PEBP4: variants seen among roughly 807,000 people sequenced by gnomAD.
PEBP4 encodes the protein phosphatidylethanolamine-binding protein 4.
A neutral mutation model predicts 23.9 loss-of-function variants in PEBP4; 22 were observed. The ratio of observed to expected loss-of-function variants is 0.92; its 90% CI spans 0.66 to 1.31. The LOEUF is 1.31. Ranked by LOEUF, PEBP4 falls within the 40% of genes most tolerant of loss-of-function variation. The pLI, the probability that PEBP4 is intolerant of heterozygous loss-of-function variation, is 0.00. For synonymous variants in PEBP4, 112 were observed against 99.3 expected (o/e 1.13, Z -0.76); for missense variants, 324 against 281.7 (o/e 1.15, Z -1.07).
rs1460528635 is a variant in PEBP4, at chr8:22,935,182, AC to A, written c.145-7463del. On this transcript the variant is annotated intron_variant, in intron 1 of 1. Coordinates refer to the PEBP4 transcript ENST00000522278. ...CAGTAATTGGAAATTTCAGTACTCCACTTTTAATAGTGAATAGAACAACTAG... is the reference window on the plus strand; with the variant it reads ...CAGTAATTGGAAATTTCAGTACTCCATTTTAATAGTGAATAGAACAACTAG... Among the ~76,000 whole-genome samples the A allele has an allele frequency of 3.3e-5, 5 of 152,234 alleles. No homozygotes were observed. The East Asian group carries it at 9.6e-4, about 29-fold the overall frequency.
At chr8:22,721,700 G>GC (rs928446329) in intron 6 of PEBP4, among the ~76,000 whole-genome samples, 20 of 152,006 alleles carry the variant, frequency 1.3e-4, no homozygotes, top group African/African-American at 4.3e-4. Context: ...ATACCACACT[G>GC]CCCCCCTCCC....
chr8:22,852,057 T>G (rs781036930), intron 3 of PEBP4, among the ~76,000 whole-genome samples: 1 of 151,940 alleles, frequency 6.6e-6, no homozygotes, highest in Non-Finnish European at 1.5e-5. Context: ...CCGGAGAGAA[T>G]AGGGCACCAT....
rs556659183 is a variant in PEBP4 at position 22,917,560 on chromosome 8, C to T, written c.258+2624G>A. 1.6e-4 allele frequency among the ~76,000 whole-genome samples: 25 copies of T among 152,316 alleles called. 1 individual carries two copies. Among genetic ancestry groups the T allele is most frequent in the African/African-American group, 5.5e-4 (23 of 41,580 alleles). On this transcript the variant is annotated intron_variant, in intron 3 of 6. Transcript: ENST00000256404. ...CCCATGGGCTCTGGAGTTGGGCAGA[C>T]CTGGCTTTGACTCTGGCTCTGGCAC...
intron 2 of PEBP4, among the ~76,000 whole-genome samples, chr8:22,922,207 C>T (rs560009482): frequency 6.6e-6 from 1 of 152,074 alleles, no homozygotes; most frequent in Non-Finnish European, 1.5e-5. Flanking sequence ...TAGCGTATTG[C>T]CCCACCTAGG....
intron 3 of PEBP4, among the ~76,000 whole-genome samples, chr8:22,849,306 G>A (rs542429213): frequency 6.6e-6 from 1 of 152,200 alleles, no homozygotes; most frequent in African/African-American, 2.4e-5. Flanking sequence ...TAGATATTAG[G>A]TGCCTTCTAC....
chr8:22,890,249 T>A (rs1013724893), intron 3 of PEBP4, among the ~76,000 whole-genome samples: 1 of 151,750 alleles, frequency 6.6e-6, no homozygotes, highest in African/African-American at 2.4e-5. Context: ...CACTCAAGAG[T>A]CTGAGACTTT....
At chr8:22,911,999 G>A (rs1299095602) in intron 3 of PEBP4, among the ~76,000 whole-genome samples, 1 of 152,136 alleles carries the variant, frequency 6.6e-6, no homozygotes, top group Admixed American at 6.5e-5. Flanking sequence ...CTGAGCTGCC[G>A]GCAAGATCTA....
At chr8:22,863,022 G>C (rs954010334) in intron 3 of PEBP4, among the ~76,000 whole-genome samples, 2 of 151,984 alleles carry the variant, frequency 1.3e-5, no homozygotes, top group Non-Finnish European at 1.5e-5. Flanking sequence ...GGATGGTCTC[G>C]AGCTCCTGAC....
chr8:22,860,675 C>T (rs1807757800), intron 3 of PEBP4, among the ~76,000 whole-genome samples: 1 of 152,218 alleles, frequency 6.6e-6, no homozygotes, highest in Non-Finnish European at 1.5e-5. Flanking sequence ...AAGCTTAAAA[C>T]CCAGGATACG....
chr8:22,881,883 A>G (rs558296356), intron 3 of PEBP4, among the ~76,000 whole-genome samples: 50 of 152,340 alleles, frequency 3.3e-4, no homozygotes, highest in African/African-American at 1.2e-3. Context: ...CCCAGCAGTA[A>G]AATGGTGCTG....
At chr8:22,782,753 G>T (rs1465128317) in intron 4 of PEBP4, among the ~76,000 whole-genome samples, 1 of 152,232 alleles carries the variant, frequency 6.6e-6, no homozygotes, top group South Asian at 2.1e-4. Flanking sequence ...TCCTCCAGGA[G>T]GTTAAGGACC....
At chr8:22,737,539 C>A (rs1340718999) in intron 4 of PEBP4, among the ~76,000 whole-genome samples, 1 of 152,122 alleles carries the variant, frequency 6.6e-6, no homozygotes, top group Non-Finnish European at 1.5e-5. Flanking sequence ...CCCCCCACTC[C>A]CCCCGCCTTG....
chr8:22,822,963 A>G (rs1466196568), intron 3 of PEBP4, among the ~76,000 whole-genome samples: 1 of 152,110 alleles, frequency 6.6e-6, no homozygotes, highest in Non-Finnish European at 1.5e-5. Flanking sequence ...AGGTAATAAT[A>G]AATGTAAACA....
chr8:22,810,669 GGTGTGTGTGTGTGT>G lies in PEBP4; in HGVS notation c.357+6954_357+6967del, dbSNP rs60078589. 9.7e-4 allele frequency among the ~76,000 whole-genome samples: 125 copies of G among 129,196 alleles called. 1 individual carries two copies. The highest frequency in any genetic ancestry group is 8.6e-3 in the South Asian group (32 of 3,706). The allele number at this position is 129,196 out of a possible 152,430, so 84.8% of individuals were successfully genotyped here. A position where few individuals can be genotyped will look rare whatever the true frequency, so the allele number is the denominator to read the frequency against. ...TTCCCTTTGGGGTGTCTCATGGAGG[GGTGTGTGTGTGTGT>G]GTGTGTGTGTGTGTGTGTGTGTGTG... is the stretch of plus-strand genomic sequence containing the variant. On this transcript the variant is annotated intron_variant, in intron 4 of 6. Transcript: ENST00000256404.
chr8:22,810,167 C>T (rs193207828), intron 4 of PEBP4, among the ~76,000 whole-genome samples: 15 of 152,352 alleles, frequency 9.8e-5, no homozygotes, highest in African/African-American at 3.6e-4. Context: ...GCCATTCCTT[C>T]TCGTGTGTCC....
intron 4 of PEBP4, among the ~76,000 whole-genome samples, chr8:22,744,426 T>C (rs1805067819): frequency 1.3e-5 from 2 of 152,172 alleles, no homozygotes; most frequent in Non-Finnish European, 2.9e-5. Flanking sequence ...GGAAAAAGAC[T>C]CATGTATGAG....
intron 4 of PEBP4, among the ~76,000 whole-genome samples, chr8:22,802,376 C>G (rs1050882934): frequency 6.6e-6 from 1 of 152,232 alleles, no homozygotes; most frequent in Non-Finnish European, 1.5e-5. Context: ...TGTAGCTGCC[C>G]CCAACACGTC....
chr8:22,934,061 A>G (rs116990453), intron 1 of PEBP4, among the ~76,000 whole-genome samples: 717 of 152,312 alleles, frequency 4.7e-3, no homozygotes, highest in Non-Finnish European at 8.0e-3. Context: ...ACCAGTTCTC[A>G]TGGAACTAAT....
At chr8:22,908,393 C>CAAAA (rs11356446) in intron 3 of PEBP4, among the ~76,000 whole-genome samples, 28 of 141,786 alleles carry the variant, frequency 2.0e-4, no homozygotes, top group South Asian at 6.6e-4. Context: ...AACAAACAAA[C>CAAAA]AAAAAAAAAA....
Sources: gnomAD v4.1 joint callset for allele counts (sites outside exome capture counted in the v4.1 genomes callset) on GRCh38, gnomAD v4.1.1 for gene constraint, MANE v1.5 for transcripts, NCBI Gene and HGNC (gene_info 2026-07-23, HGNC 2026-07-21) for gene names.